Variants in ALS2 observed in about 807,000 individuals in gnomAD.
ALS2 encodes alsin.
A neutral mutation model predicts 203.4 loss-of-function variants in ALS2; 117 were observed. That is an observed-to-expected ratio of 0.58 (90% CI 0.50 to 0.67). The LOEUF (loss-of-function observed/expected upper bound fraction) is 0.67. Ranked by LOEUF, ALS2 falls within the 30% of genes least tolerant of loss-of-function variation. ALS2 has a pLI of 0.00. For missense variants in ALS2, 1,715 were observed against 1,989.4 expected (o/e 0.86, Z 2.62); for synonymous variants, 718 against 725.9 (o/e 0.99, Z 0.17).
Position 201,733,445 on chromosome 2 carries a change from G to A in ALS2, c.2418-7C>T, listed in dbSNP as rs1229432127. 7 of 1,612,382 alleles carry A rather than the reference G, an allele frequency of 4.3e-6. No homozygotes were observed. The highest frequency in any genetic ancestry group is 5.9e-6 in the Non-Finnish European group (7 of 1,179,338). ...GTTTTTATTTAGGAAATCACTAGAG[G>A]CAGAGGAAAAAAAAATTTAGTTAAT... On this transcript the variant is annotated splice_region_variant and splice_polypyrimidine_tract_variant and intron_variant, in intron 12 of 33. Transcript: ENST00000264276.
chr2:201,779,528 G>A (rs1441323341), intron 1 of ALS2, among the ~76,000 whole-genome samples: 1 of 152,112 alleles, frequency 6.6e-6, no homozygotes, highest in Non-Finnish European at 1.5e-5. Context: ...AAAATATTCA[G>A]TTCCCTTCCC....
intron 3 of ALS2, chr2:201,763,355 G>T: frequency 1.0e-5 from 2 of 197,880 alleles, no homozygotes; most frequent in South Asian, 2.4e-4. Context: ...CAGTATCGAT[G>T]ACTGCTACTC....
At chr2:201,742,271 A>G (rs1035052247) in intron 10 of ALS2, among the ~76,000 whole-genome samples, 2 of 152,230 alleles carry the variant, frequency 1.3e-5, no homozygotes, top group East Asian at 3.8e-4. Context: ...TTGGGGAGTT[A>G]TATCTTTGTA....
chr2:201,760,927 G>A lies in ALS2; in HGVS notation c.1067C>T (p.Ser356Leu). 1 of 1,614,158 alleles carries A rather than the reference G, an allele frequency of 6.2e-7. No homozygotes were observed. The highest frequency in any genetic ancestry group is 8.5e-7 in the Non-Finnish European group (1 of 1,180,018). The change falls in exon 4 of 34, where the codon TCA becomes TTA. Residue 356 changes from serine to leucine, a missense_variant. Around this residue, in one of 3 missense-constraint regions of ALS2, gnomAD observed 476 missense variants for 539.3 expected, o/e 0.88. Coordinates refer to ENST00000264276, the MANE Select transcript of ALS2 (RefSeq NM_020919.4). ...ACCATGCTCTGAGTCCTCTCTTACTGAATGATCTGACAGTTTCCGTAGGTA... is the reference window on the plus strand; with the variant it reads ...ACCATGCTCTGAGTCCTCTCTTACTAAATGATCTGACAGTTTCCGTAGGTA... ...NEYLRKLSDHSVREDSEHGEK... is the reference protein window; with the variant it reads ...NEYLRKLSDHLVREDSEHGEK...
At chr2:201,772,191 A>G (rs894303032) in intron 1 of ALS2, among the ~76,000 whole-genome samples, 6 of 152,188 alleles carry the variant, frequency 3.9e-5, no homozygotes, top group Non-Finnish European at 8.8e-5. Context: ...CACTGGATAC[A>G]CATCCTTCTG....
chr2:201,760,654 C>A, intron 4 of ALS2: 1 of 1,330,442 alleles, frequency 7.5e-7, no homozygotes. Flanking sequence ...AAAACAAGCC[C>A]AACATGACAC....
At position 201,734,467 on chromosome 2, in the gene ALS2, C is replaced by CA. The variant is rs576164468; in HGVS notation, c.2418-1030dup. 1.1e-3 allele frequency among the ~76,000 whole-genome samples: 146 copies of CA among 132,290 alleles called. 1 individual carries two copies. The highest frequency in any genetic ancestry group is 1.7e-3 in the East Asian group (8 of 4,720). The allele number at this position is 132,290 out of a possible 152,430, so 86.8% of individuals were successfully genotyped here. Reference sequence around the variant, plus strand: ...ACCAGCCCGGGTGACCAGCCTGTCTCAAAAAAAAAAAAAGATCTTAGATAA... The same window carrying CA: ...ACCAGCCCGGGTGACCAGCCTGTCTCAAAAAAAAAAAAAAGATCTTAGATAA... On this transcript the variant is annotated intron_variant, in intron 12 of 33. Coordinates refer to ENST00000264276, the MANE Select transcript of ALS2 (RefSeq NM_020919.4).
intron 26 of ALS2, among the ~76,000 whole-genome samples, chr2:201,710,256 A>G (rs1005104661): frequency 6.6e-6 from 1 of 152,146 alleles, no homozygotes; most frequent in African/African-American, 2.4e-5. Flanking sequence ...AATCTCCTTA[A>G]CATTTTGGGC....
intron 20 of ALS2, 133 bp downstream of exon 20, chr2:201,725,223 T>A: frequency 1.3e-6 from 1 of 742,438 alleles, no homozygotes; most frequent in Non-Finnish European, 2.4e-6. Context: ...AGTTTCAATT[T>A]TATTTACTCC....
intron 5 of ALS2, 149 bp from the exon 6 acceptor site, chr2:201,754,820 C>T (rs1693284410): frequency 1.2e-6 from 1 of 819,636 alleles, no homozygotes; most frequent in African/African-American, 1.7e-5. Flanking sequence ...AAAAGGGGAC[C>T]TGTTAGTCAA....
intron 13 of ALS2, among the ~76,000 whole-genome samples, chr2:201,729,758 G>A (rs942444461): frequency 5.9e-5 from 9 of 151,698 alleles, no homozygotes; most frequent in African/African-American, 9.7e-5. Flanking sequence ...GCGGGCGCCT[G>A]TAGACCCAGC....
chr2:201,712,835 TTC>T (rs994026294), intron 25 of ALS2, among the ~76,000 whole-genome samples: 3 of 152,162 alleles, frequency 2.0e-5, no homozygotes, highest in African/African-American at 7.2e-5. Flanking sequence ...TCTGTAACTT[TTC>T]TTTCAGTATT....
intron 4 of ALS2, among the ~76,000 whole-genome samples, chr2:201,758,786 T>TGTGTG (rs1553514712): frequency 4.8e-5 from 5 of 103,122 alleles, no homozygotes; most frequent in African/African-American, 1.4e-4. Context: ...GTGTGTGTGT[T>TGTGTG]TGTTTGTATA....
chr2:201,732,453 A>G (rs1037134429), intron 13 of ALS2, among the ~76,000 whole-genome samples: 2 of 151,562 alleles, frequency 1.3e-5, no homozygotes, highest in Non-Finnish European at 2.9e-5. Flanking sequence ...CTGTAATCTC[A>G]GCTACTCAGG....
Position 201,754,155 on chromosome 2 carries a change from G to A in ALS2, c.1640+348C>T, listed in dbSNP as rs148148751. ...AGCCTCCTGAGTAGCTGGAATTATA[G>A]GAGCCCACCACCATGCCCAGCTAAT... On this transcript the variant is annotated intron_variant, in intron 6 of 33. Coordinates refer to ENST00000264276, the MANE Select transcript of ALS2 (RefSeq NM_020919.4). 3.9e-3 allele frequency among the ~76,000 whole-genome samples: 591 copies of A among 152,116 alleles called. 4 individuals are homozygous for A. The highest frequency in any genetic ancestry group is 0.017 in the Middle Eastern group (5 of 294).
At position 201,760,504 on chromosome 2, in the gene ALS2, AAG is replaced by A. The variant is rs529366283; in HGVS notation, c.1113+375_1113+376del. ...AAAGACTTTTCTCTACAGAATTCTG[AAG>A]AGTGTTACAAACACAAGTAAGAAGA... On this transcript the variant is annotated intron_variant, in intron 4 of 33. Transcript: ENST00000264276. 2.2e-4 allele frequency: 220 copies of A among 1,016,602 alleles called. No individual in the cohort carries two copies. The African/African-American group carries it at 3.4e-3, about 16-fold the overall frequency. The allele number at this position is 1,016,602 out of a possible 1,614,324, so 63.0% of individuals were successfully genotyped here. A position where few individuals can be genotyped will look rare whatever the true frequency, so the allele number is the denominator to read the frequency against.
In ALS2 at chr2:201,721,742, C is replaced by A. The variant is rs566980812; in HGVS notation, c.3702+1301G>T. Among the ~76,000 whole-genome samples, 3 of 152,280 alleles carry A rather than the reference C, an allele frequency of 2.0e-5. No homozygotes were observed. The East Asian group carries it at 5.8e-4, about 29-fold the overall frequency. On this transcript the variant is annotated intron_variant, in intron 23 of 33. Transcript: ENST00000264276. ...ACAGTGCCACGATTTCGGCTCACTG[C>A]AAACTCCGCCTCCCAGGTTCACGCC...
rs1337386622 is a variant in ALS2, at chr2:201,700,794, C to T, written c.*1057G>A. On this transcript the variant is annotated 3_prime_UTR_variant, in exon 34 of 34. Coordinates refer to ENST00000264276, the MANE Select transcript of ALS2 (RefSeq NM_020919.4). ...TTATTCAAAACAGCTACTAGTGTTA[C>T]TTATACAGTATAAACCAACAACTTA... 6.6e-6 allele frequency: 1 copy of T among 152,558 alleles called. No individual in the cohort carries two copies. Among genetic ancestry groups the T allele is most frequent in the Non-Finnish European group, 1.5e-5 (1 of 68,042 alleles). 9.5% of individuals were successfully genotyped at this position (152,558 alleles called of 1,614,324 possible). A position where few individuals can be genotyped will look rare whatever the true frequency, so the allele number is the denominator to read the frequency against.
intron 6 of ALS2, 52 bp downstream of exon 6, chr2:201,754,451 A>C: frequency 1.2e-6 from 2 of 1,609,176 alleles, no homozygotes; most frequent in Non-Finnish European, 1.7e-6. Context: ...TTCCCAGGAG[A>C]GAGATTATTT....
Sources: gnomAD v4.1 joint callset for allele counts (sites outside exome capture counted in the v4.1 genomes callset) on GRCh38, gnomAD v4.1.1 for gene constraint, gnomAD v4.1.1 regional missense constraint, MANE v1.5 for transcripts, NCBI Gene and HGNC (gene_info 2026-07-23, HGNC 2026-07-21) for gene names.